SIPA1L1: variants seen among roughly 807,000 people sequenced by gnomAD.
The protein encoded by SIPA1L1 is signal induced proliferation associated 1 like 1.
A neutral mutation model predicts 162.7 loss-of-function variants in SIPA1L1; 26 were observed. The observed-to-expected ratio is 0.16, with a 90% CI of 0.12 to 0.22. SIPA1L1 has a LOEUF of 0.22. Among genes scored for constraint, SIPA1L1 ranks in the 10% least tolerant of loss-of-function variants. The pLI is 1.00. For synonymous variants in SIPA1L1, 829 were observed against 837.4 expected (o/e 0.99, Z 0.17); for missense variants, 1,874 against 2,241.0 (o/e 0.84, Z 3.31).
rs147149228 is a variant in SIPA1L1, at chr14:71,710,947, C to T, written c.4208+1283C>T. Among the ~76,000 whole-genome samples the T allele has an allele frequency of 3.7e-3, 561 of 152,188 alleles. 4 individuals carry two copies. Among genetic ancestry groups the T allele is most frequent in the African/African-American group, 0.013 (537 of 41,516 alleles). On this transcript the variant is annotated intron_variant, in intron 17 of 23. Coordinates refer to ENST00000381232, the MANE Select transcript of SIPA1L1 (RefSeq NM_001386936.1). ...GATAACCTTAAGGAGAGAGGACATC[C>T]TCTACTTAATTTGGATTGCTTTCAC...
chr14:71,662,427 T>A (rs1045603612), intron 10 of SIPA1L1, among the ~76,000 whole-genome samples: 1 of 152,242 alleles, frequency 6.6e-6, no homozygotes, highest in Admixed American at 6.5e-5. Flanking sequence ...CTAGACATCT[T>A]ACATGTATAT....
intron 8 of SIPA1L1, among the ~76,000 whole-genome samples, chr14:71,651,704 A>G (rs2042631313): frequency 6.6e-6 from 1 of 152,222 alleles, no homozygotes; most frequent in Non-Finnish European, 1.5e-5. Context: ...AGAATGTGTA[A>G]TAAGCTCAGT....
intron 4 of SIPA1L1, among the ~76,000 whole-genome samples, chr14:71,549,556 T>C (rs1334178503): frequency 6.6e-6 from 1 of 152,202 alleles, no homozygotes; most frequent in African/African-American, 2.4e-5. Flanking sequence ...TAATCACAAG[T>C]TGGCCAATTG....
At position 71,588,698 on chromosome 14, in the gene SIPA1L1, A is replaced by G; in HGVS notation, c.826A>G (p.Lys276Glu). 1 of 1,614,004 alleles carries G rather than the reference A, an allele frequency of 6.2e-7. No individual in the cohort carries two copies. The highest frequency in any genetic ancestry group is 8.5e-7 in the Non-Finnish European group (1 of 1,179,988). ...ACAGAGAGAGAACCTCAGGCTTTTT[A>G]AGGAAAGGGAAAAACCACTCAAGCG... ...ISQRENLRLF[K>E]EREKPLKRRS... The change falls in exon 5 of 24, where the codon AAG (lysine) becomes GAG (glutamate). Residue 276 changes from lysine (K) to glutamate (E), a missense_variant. Transcript: ENST00000381232. This position sits in a 1 kb window ranked among gnomAD's most constrained non-coding sequence, Gnocchi z 4.3.
At chr14:71,658,181 C>CAA (rs990999887) in intron 8 of SIPA1L1, 152 bp from the exon 9 acceptor site, 67 of 463,094 alleles carry the variant, frequency 1.4e-4, no homozygotes, top group East Asian at 2.2e-4. Context: ...GGATCAAATA[C>CAA]AAAAAAAAAA....
At chr14:71,646,555 C>T (rs887169470) in intron 7 of SIPA1L1, among the ~76,000 whole-genome samples, 8 of 152,226 alleles carry the variant, frequency 5.3e-5, no homozygotes, top group African/African-American at 1.9e-4. Flanking sequence ...TGTGGAAGCT[C>T]ACAACACTTT....
At chr14:71,713,330 GCA>G (rs1414206527) in intron 17 of SIPA1L1, among the ~76,000 whole-genome samples, 1 of 152,168 alleles carries the variant, frequency 6.6e-6, no homozygotes, top group African/African-American at 2.4e-5. Context: ...ATCAGTATTT[GCA>G]CAGAGCTGCA....
At chr14:71,509,470 C>T (rs942983350) in intron 2 of SIPA1L1, among the ~76,000 whole-genome samples, 6 of 152,040 alleles carry the variant, frequency 3.9e-5, no homozygotes, top group African/African-American at 1.2e-4. Flanking sequence ...AAGCTGGGCA[C>T]GGTGGCTCAC....
intron 4 of SIPA1L1, among the ~76,000 whole-genome samples, chr14:71,577,610 C>G (rs2033265729): frequency 6.6e-6 from 1 of 151,980 alleles, no homozygotes; most frequent in Non-Finnish European, 1.5e-5. Flanking sequence ...AACTCCTGAT[C>G]TCAGGTGATC....
At chr14:71,485,799 G>A (rs1326173913) in intron 2 of SIPA1L1, among the ~76,000 whole-genome samples, 5 of 152,092 alleles carry the variant, frequency 3.3e-5, no homozygotes, top group African/African-American at 7.2e-5. Flanking sequence ...ATTGGGGACC[G>A]CTGGTTTAGG....
chr14:71,481,778 C>T (rs2048371112), intron 2 of SIPA1L1, among the ~76,000 whole-genome samples: 1 of 152,124 alleles, frequency 6.6e-6, no homozygotes, highest in African/African-American at 2.4e-5. Context: ...TTGAAATCCA[C>T]CCCCGGAGGC....
chr14:71,364,209 G>A (rs765958148), intron 2 of SIPA1L1, among the ~76,000 whole-genome samples: 8 of 152,120 alleles, frequency 5.3e-5, no homozygotes, highest in Admixed American at 3.9e-4. Context: ...TACTCTTAAC[G>A]GGAGTGAAAA....
chr14:71,658,191 A>G (rs2043221674), intron 8 of SIPA1L1, 142 bp from the exon 9 acceptor site: 1 of 589,206 alleles, frequency 1.7e-6, no homozygotes, highest in Admixed American at 3.1e-5. Context: ...CAAAAAAAAA[A>G]AGGAAGAACA....
rs138601908 is a variant in SIPA1L1, at chr14:71,624,146, C to T, written c.1728C>T (p.His576=). The T allele has an allele frequency of 2.7e-3, 4,330 of 1,614,184 alleles. 6 individuals carry two copies. The highest frequency in any genetic ancestry group is 3.4e-3 in the Non-Finnish European group (3,957 of 1,180,010). The part of the protein sequence containing the change: ...RGLPLKEVLE[H]VVPELNVQCL... The stretch of plus-strand genomic sequence containing the variant: ...TGCCTCTCAAAGAAGTGCTGGAGCA[C>T]GTGGTTCCTGAGCTCAATGTCCAGT... Residue 576 remains histidine (H), a synonymous_variant, in exon 7 of 24, where the codon CAC becomes CAT. Coordinates refer to ENST00000381232, the MANE Select transcript of SIPA1L1 (RefSeq NM_001386936.1).
rs1000778999 is a variant in SIPA1L1, at chr14:71,650,359, A to G, written c.1843A>G (p.Ile615Val). Reference protein sequence around the residue: ...QGLNYQQKVGIMYCKAGQSTE... With the variant: ...QGLNYQQKVGVMYCKAGQSTE... ...GCTGAACTACCAGCAGAAAGTAGGC[A>G]TCATGTACTGCAAAGCTGGACAGAG... The change falls in exon 8 of 24, where the codon ATC becomes GTC. Residue 615 changes from isoleucine to valine, a missense_variant. Physicochemically the swap from Ile to Val is conservative, Grantham distance 29 (BLOSUM62 3). Transcript: ENST00000381232. 1.4e-5 allele frequency: 22 copies of G among 1,614,166 alleles called. No individual in the cohort carries two copies. Among genetic ancestry groups the G allele is most frequent in the Non-Finnish European group, 1.8e-5 (21 of 1,179,984 alleles).
At chr14:71,355,997 GAGT>G (rs1166474699) in intron 2 of SIPA1L1, among the ~76,000 whole-genome samples, 1 of 152,186 alleles carries the variant, frequency 6.6e-6, no homozygotes. Context: ...ACTGTACTCT[GAGT>G]TTCTGGGAAT....
At position 71,739,182 on chromosome 14, in the gene SIPA1L1, A is replaced by C; in HGVS notation, c.*21A>C. On this transcript the variant is annotated 3_prime_UTR_variant, in exon 24 of 24. Coordinates refer to ENST00000381232, the MANE Select transcript of SIPA1L1 (RefSeq NM_001386936.1). ...GCTAGGGAAGGCTGAGGAGGACAGGAGAAGGGCCCAGACACTCCCTCCAGT... is the reference window on the plus strand; with the variant it reads ...GCTAGGGAAGGCTGAGGAGGACAGGCGAAGGGCCCAGACACTCCCTCCAGT... 6.2e-7 allele frequency: 1 copy of C among 1,603,970 alleles called. No homozygotes were observed. Among genetic ancestry groups the C allele is most frequent in the South Asian group, 1.1e-5 (1 of 89,562 alleles).
intron 5 of SIPA1L1, among the ~76,000 whole-genome samples, chr14:71,595,918 T>C (rs2035973884): frequency 6.6e-6 from 1 of 152,246 alleles, no homozygotes. Context: ...GGCCTCATGC[T>C]TCTTACCCAA....
intron 2 of SIPA1L1, among the ~76,000 whole-genome samples, chr14:71,412,147 A>G (rs906623900): frequency 6.6e-6 from 1 of 152,206 alleles, no homozygotes; most frequent in Non-Finnish European, 1.5e-5. Flanking sequence ...GTTGTGTAAA[A>G]ACAGCAAGTT....
Sources: gnomAD v4.1 joint callset for allele counts (sites outside exome capture counted in the v4.1 genomes callset) on GRCh38, gnomAD v4.1.1 for gene constraint, Gnocchi (gnomAD v3.1) non-coding constraint, MANE v1.5 for transcripts, NCBI Gene and HGNC (gene_info 2026-07-23, HGNC 2026-07-21) for gene names.